The following ZAN variants were observed in gnomAD, a reference collection of about 807,000 sequenced individuals.
The protein encoded by ZAN is zonadhesin (gene/pseudogene).
ZAN carries 260 observed loss-of-function variants against 286.2 expected under a neutral mutation model. The observed-to-expected ratio is 0.91, with a 90% CI of 0.82 to 1.01. ZAN has a LOEUF of 1.01. ZAN is among the 50% of genes least tolerant of loss of function. ZAN has a pLI of 0.00. For missense variants in ZAN, 3,410 were observed against 3,639.2 expected, an observed-to-expected ratio of 0.94 and a Z score of 1.62; for synonymous variants, 1,368 against 1,417.5, an observed-to-expected ratio of 0.97 and a Z score of 0.79.
In ZAN at chr7:100,752,615, C is replaced by T. The variant is rs1808815621; in HGVS notation, c.2510C>T (p.Thr837Ile). The change falls in exon 14 of 48, where the codon ACC becomes ATC. Residue 837 changes from threonine to isoleucine, a missense_variant. Coordinates refer to ENST00000613979, the MANE Select transcript of ZAN (RefSeq NM_003386.3). ...ACCACCACCTCTGTTGAAGAGACTA[C>T]CATCTCTACAGAAAAACTCACCATC... ...EETTTSVEET[T>I]ISTEKLTIPM... 5 of 1,612,056 alleles carry T rather than the reference C, an allele frequency of 3.1e-6. No homozygotes were observed. The highest frequency in any genetic ancestry group is 1.7e-5 in the Admixed American group (1 of 59,800).
At position 100,758,265 on chromosome 7, in the gene ZAN, G is replaced by T. The variant is rs752208519; in HGVS notation, c.3373G>T (p.Val1125Phe). The T allele has an allele frequency of 3.7e-6, 6 of 1,613,414 alleles. No homozygotes were observed. Among genetic ancestry groups the T allele is most frequent in the Non-Finnish European group, 5.1e-6 (6 of 1,179,876 alleles). Residue 1125 changes from valine to phenylalanine, a missense_variant, in exon 16 of 48, where the codon GTC becomes TTC. Val to Phe is a conservative substitution (Grantham distance 50). Coordinates refer to ENST00000613979, the MANE Select transcript of ZAN (RefSeq NM_003386.3). ...TTGCCGCTGCTGGCCCGGCAGTCGG[G>T]TCGAGTGCCAGATCTCTCAGTGTGG... ...EHCRCWPGSR[V>F]ECQISQCGTH...
In ZAN at chr7:100,768,026, C is replaced by T. The variant is rs560505649; in HGVS notation, c.5041+15C>T. On this transcript the variant is annotated intron_variant, in intron 26 of 47. Transcript: ENST00000613979. ...TGGGCTGTGTGGTGAGTTTCCTGGG[C>T]ACCTGCGGGGAAAGCTGGGACAATG... 262 of 1,604,394 alleles carry T rather than the reference C, an allele frequency of 1.6e-4. 4 individuals are homozygous for T. The South Asian group carries it at 2.8e-3, about 17-fold the overall frequency.
At chr7:100,778,162 C>T (rs113014678) in intron 34 of ZAN, among the ~76,000 whole-genome samples, 1 of 151,010 alleles carries the variant, frequency 6.6e-6, no homozygotes, top group Non-Finnish European at 1.5e-5. Flanking sequence ...CAAAAATTAG[C>T]CAGCCATGGT....
chr7:100,783,815 T>C lies in ZAN; in HGVS notation c.6623-808T>C, dbSNP rs866038014. 6.3e-4 allele frequency among the ~76,000 whole-genome samples: 28 copies of C among 44,250 alleles called. 2 individuals are homozygous for C. The highest frequency in any genetic ancestry group is 1.5e-3 in the African/African-American group (26 of 17,106). The allele number at this position is 44,250 out of a possible 152,430, so 29.0% of individuals were successfully genotyped here. A position where few individuals can be genotyped will look rare whatever the true frequency, so the allele number is the denominator to read the frequency against. On this transcript the variant is annotated intron_variant, in intron 35 of 47. Coordinates refer to ENST00000613979, the MANE Select transcript of ZAN (RefSeq NM_003386.3). ...ATATATATATACACACATATATATATACATATATATATATGTATATTTTAT... is the reference window on the plus strand; with the variant it reads ...ATATATATATACACACATATATATACACATATATATATATGTATATTTTAT...
In ZAN at chr7:100,775,330, G is replaced by A. The variant is rs1810676711; in HGVS notation, c.5782G>A (p.Val1928Met). Reference sequence around the variant, plus strand: ...CAGCTGTCTCTCTGTCCTCCCAGGTGTGGGAGTGTGTCAGCTCCCAGGGGA... The same window carrying A: ...CAGCTGTCTCTCTGTCCTCCCAGGTATGGGAGTGTGTCAGCTCCCAGGGGA... The part of the protein sequence containing the change: ...DGLLHCRASG[V>M]GVCQLPGESH... The change falls in exon 32 of 48, where the codon GTG becomes ATG. Residue 1928 changes from valine to methionine, a missense_variant and splice_region_variant. Physicochemically the swap from Val to Met is conservative, Grantham distance 21. This residue lies in a region of ZAN where 1,289 missense variants were observed against 1,314.3 expected (regional missense o/e 0.98). Transcript: ENST00000613979. 2 of 1,612,924 alleles carry A rather than the reference G, an allele frequency of 1.2e-6. No individual in the cohort carries two copies. The highest frequency in any genetic ancestry group is 1.3e-5 in the African/African-American group (1 of 75,026).
Position 100,773,492 on chromosome 7 carries a change from C to T in ZAN, c.5633C>T (p.Pro1878Leu), listed in dbSNP as rs139191288. ...GCTDPAGSYH[P>L]VGERWYTENT... Reference sequence around the variant, plus strand: ...ACTGACCCAGCGGGCTCCTACCACCCGGTGAGAGGCCAGCTAGGAGGGGCC... The same window carrying T: ...ACTGACCCAGCGGGCTCCTACCACCTGGTGAGAGGCCAGCTAGGAGGGGCC... Residue 1878 changes from proline (P) to leucine (L), a missense_variant and splice_region_variant, in exon 30 of 48, where the codon CCG (proline) becomes CTG (leucine). Coordinates refer to ENST00000613979, the MANE Select transcript of ZAN (RefSeq NM_003386.3). 1.3e-4 allele frequency: 213 copies of T among 1,613,118 alleles called. No homozygotes were observed. The highest frequency in any genetic ancestry group is 3.5e-4 in the Middle Eastern group (2 of 5,796).
At chr7:100,770,697 C>T (rs1033244810) in intron 28 of ZAN, among the ~76,000 whole-genome samples, 1 of 151,828 alleles carries the variant, frequency 6.6e-6, no homozygotes, top group Non-Finnish European at 1.5e-5. Context: ...CTCTGTTGCC[C>T]AGGCTGGAGT....
intron 45 of ZAN, among the ~76,000 whole-genome samples, chr7:100,796,878 C>T (rs913951390): frequency 6.6e-6 from 1 of 151,934 alleles, no homozygotes; most frequent in South Asian, 2.1e-4. Context: ...TGGTTCATGC[C>T]TGTAATTTCA....
In ZAN at chr7:100,793,949, A is replaced by G. The variant is rs1401515035; in HGVS notation, c.7917A>G (p.Leu2639=). ...LRGRLRQHPR[L]CLQWHPEPPL... The stretch of plus-strand genomic sequence containing the variant: ...GAAGGCTGCGCCAGCATCCCAGGCT[A>G]TGCCTACAGTGGCACCCAGAGCCTC... Residue 2639 remains leucine (L), a synonymous_variant, in exon 43 of 48, where the codon CTA becomes CTG. Coordinates refer to ENST00000613979, the MANE Select transcript of ZAN (RefSeq NM_003386.3). 4 of 1,613,930 alleles carry G rather than the reference A, an allele frequency of 2.5e-6. No homozygotes were observed. In the South Asian group the frequency reaches 4.4e-5, roughly 18 times the overall value.
In ZAN at chr7:100,751,983, C is replaced by T; in HGVS notation, c.1878C>T (p.Pro626=). The T allele has an allele frequency of 6.2e-7, 1 of 1,612,828 alleles. No individual in the cohort carries two copies. Among genetic ancestry groups the T allele is most frequent in the Non-Finnish European group, 8.5e-7 (1 of 1,179,570 alleles). ...AACCCACCATTCCCTCAGAAAAACC[C>T]ACCATCCTCACAGAAAAACCCACCA... is the stretch of plus-strand genomic sequence containing the variant. ...SEKPTIPSEK[P]TILTEKPTIP... Residue 626 remains proline (P), a synonymous_variant, in exon 14 of 48, where the codon CCC becomes CCT. Transcript: ENST00000613979.
chr7:100,779,740 C>T lies in ZAN; in HGVS notation c.6612C>T (p.Ser2204=), dbSNP rs1309720779. The change falls in exon 35 of 48, where the codon AGC becomes AGT. Residue 2204 remains serine, a synonymous_variant. Coordinates refer to ENST00000613979, the MANE Select transcript of ZAN (RefSeq NM_003386.3). Reference sequence around the variant, plus strand: ...TCAAGCCCCCACTCTGGAGAAACAGCAGCTTCTGCCGTGAGTGTGCCCTGC... The same window carrying T: ...TCAAGCCCCCACTCTGGAGAAACAGTAGCTTCTGCCGTGAGTGTGCCCTGC... ...QGLKPPLWRN[S]SFCPLECPAY... is the part of the protein sequence containing the mutation. The T allele has an allele frequency of 3.9e-6, 6 of 1,552,220 alleles. No individual in the cohort carries two copies. The highest frequency in any genetic ancestry group is 1.9e-5 in the Admixed American group (1 of 51,404).
intron 40 of ZAN, 44 bp from the exon 41 acceptor site, chr7:100,791,922 C>T (rs753515334): frequency 5.1e-6 from 8 of 1,557,968 alleles, no homozygotes; most frequent in Non-Finnish European, 6.9e-6. Flanking sequence ...CCCACTTCAC[C>T]TTCCTTGGGG....
rs201491474 is a variant in ZAN, at chr7:100,765,532, A to C, written c.4448A>C (p.His1483Pro). The change falls in exon 23 of 48, where the codon CAC (histidine) becomes CCC (proline). Residue 1483 changes from histidine to proline, a missense_variant. By Grantham distance (77) the His-to-Pro change is moderately conservative. Transcript: ENST00000613979. ...CCTCGCTCCCAGTGTGGGTGCCTCC[A>C]CCCTGCAGGCAGCTACTTCAAGGTG... ...CIPRSQCGCL[H>P]PAGSYFKVGE... is the part of the protein sequence containing the mutation. 5,236 of 1,606,620 alleles carry C rather than the reference A, an allele frequency of 3.3e-3. 22 individuals are homozygous for C. The highest frequency in any genetic ancestry group is 3.5e-3 in the Non-Finnish European group (4,135 of 1,176,772).
intron 25 of ZAN, among the ~76,000 whole-genome samples, 163 bp from the exon 26 acceptor site, chr7:100,767,668 G>A (rs1020500226): frequency 3.3e-5 from 5 of 150,870 alleles, no homozygotes; most frequent in African/African-American, 9.8e-5. Flanking sequence ...TTGTAGAGAC[G>A]GGCTTTCTCC....
chr7:100,783,763 A>AAAAAAT (rs1562952263), intron 35 of ZAN, among the ~76,000 whole-genome samples: 2 of 7,482 alleles, frequency 2.7e-4, no homozygotes, highest in East Asian at 8.6e-3. Flanking sequence ...AAAAAAAAAA[A>AAAAAAT]ATATATATAT....
chr7:100,776,566 T>C lies in ZAN; in HGVS notation c.6317+2T>C. ...GAAAGATAAGGACATTGACCCAAGG[T>C]AGTGGTCCCCTAAGACCCTCTAGGT... On this transcript the variant is annotated splice_donor_variant, in intron 34 of 47. Coordinates refer to ENST00000613979, the MANE Select transcript of ZAN (RefSeq NM_003386.3). LOFTEE classifies it high-confidence loss of function. The C allele has an allele frequency of 2.6e-6, 4 of 1,552,142 alleles. No individual in the cohort carries two copies. Among genetic ancestry groups the C allele is most frequent in the Non-Finnish European group, 3.5e-6 (4 of 1,147,066 alleles).
Position 100,773,307 on chromosome 7 carries a change from C to T in ZAN, c.5448C>T (p.Ser1816=). 6.2e-7 allele frequency: 1 copy of T among 1,613,660 alleles called. No individual in the cohort carries two copies. Reference sequence around the variant, plus strand: ...TAGCTATGAGGTGCCCACCTGGCAGCAGCTACAGCCCCTGCAGCAGCCCCT... The same window carrying T: ...TAGCTATGAGGTGCCCACCTGGCAGTAGCTACAGCCCCTGCAGCAGCCCCT... The part of the protein sequence containing the change: ...TFCPMRCPPG[S]SYSPCSSPCP... The change falls in exon 30 of 48, where the codon AGC becomes AGT. Residue 1816 remains serine, a synonymous_variant. Coordinates refer to ENST00000613979, the MANE Select transcript of ZAN (RefSeq NM_003386.3).
At position 100,768,127 on chromosome 7, in the gene ZAN, C is replaced by T. The variant is rs187165323; in HGVS notation, c.5041+116C>T. 1.8e-5 allele frequency: 23 copies of T among 1,283,898 alleles called. No individual in the cohort carries two copies. The Admixed American group carries it at 2.2e-4, about 12-fold the overall frequency. The allele number at this position is 1,283,898 out of a possible 1,614,324, so 79.5% of individuals were successfully genotyped here. A position where few individuals can be genotyped will look rare whatever the true frequency, so the allele number is the denominator to read the frequency against. Reference sequence around the variant, plus strand: ...CTAAGTACTTGTCAACTGACTAATTCGTTGAGGACATTAGGCATGAAGGTA... The same window carrying T: ...CTAAGTACTTGTCAACTGACTAATTTGTTGAGGACATTAGGCATGAAGGTA... On this transcript the variant is annotated intron_variant, in intron 26 of 47. Coordinates refer to ENST00000613979, the MANE Select transcript of ZAN (RefSeq NM_003386.3).
At chr7:100,762,393 A>T in intron 20 of ZAN, 35 bp downstream of exon 20, 1 of 1,545,576 alleles carries the variant, frequency 6.5e-7, no homozygotes, top group Non-Finnish European at 8.8e-7. Context: ...GGCCCTGGGA[A>T]GGTTCCGTCC....
Sources: gnomAD v4.1 joint callset for allele counts (sites outside exome capture counted in the v4.1 genomes callset) on GRCh38, gnomAD v4.1.1 for gene constraint, gnomAD v4.1.1 regional missense constraint, MANE v1.5 for transcripts, NCBI Gene and HGNC (gene_info 2026-07-23, HGNC 2026-07-21) for gene names.